Variants in TMPRSS11F observed in about 807,000 individuals in gnomAD.
TMPRSS11F encodes transmembrane protease serine 11F.
Under a neutral mutation model 60.2 loss-of-function variants are expected in TMPRSS11F, and 47 were observed. The observed-to-expected ratio is 0.78, with a 90% confidence interval of 0.62 to 1.00. The LOEUF (loss-of-function observed/expected upper bound fraction) is 1.00. Ranked by LOEUF, TMPRSS11F falls within the 50% of genes least tolerant of loss-of-function variation. The pLI is 0.00. For missense variants in TMPRSS11F, 519 were observed against 522.9 expected (o/e 0.99, Z 0.07); for synonymous variants, 166 against 167.3 (o/e 0.99, Z 0.06).
At chr4:68,088,728 G>A (rs1723866019) in intron 3 of TMPRSS11F, among the ~76,000 whole-genome samples, 1 of 152,030 alleles carries the variant, frequency 6.6e-6, no homozygotes, top group Admixed American at 6.6e-5. Context: ...TAGAACTCGG[G>A]ATTAAAATTA....
At chr4:68,113,223 T>C (rs1724445415) in intron 1 of TMPRSS11F, among the ~76,000 whole-genome samples, 2 of 152,154 alleles carry the variant, frequency 1.3e-5, no homozygotes. Flanking sequence ...AACGTGTTAT[T>C]GGACAATGGA....
At chr4:68,102,724 C>G (rs1724218049) in intron 1 of TMPRSS11F, among the ~76,000 whole-genome samples, 1 of 152,134 alleles carries the variant, frequency 6.6e-6, no homozygotes, top group Admixed American at 6.5e-5. Flanking sequence ...TTAACCCTTT[C>G]TCAGACATAC....
intron 8 of TMPRSS11F, among the ~76,000 whole-genome samples, chr4:68,064,021 T>G (rs972829006): frequency 1.3e-5 from 2 of 152,156 alleles, no homozygotes; most frequent in Non-Finnish European, 2.9e-5. Flanking sequence ...AGACAAAATT[T>G]GTGATTACTT....
intron 3 of TMPRSS11F, among the ~76,000 whole-genome samples, chr4:68,084,831 C>T (rs888900219): frequency 1.4e-5 from 2 of 144,258 alleles, no homozygotes; most frequent in African/African-American, 5.2e-5. Flanking sequence ...TGCGCTGCAC[C>T]CACTAACTCG....
chr4:68,115,988 T>C (rs1293200557), intron 1 of TMPRSS11F, among the ~76,000 whole-genome samples: 3 of 152,174 alleles, frequency 2.0e-5, no homozygotes, highest in Non-Finnish European at 2.9e-5. Flanking sequence ...TCACAAAATG[T>C]GAGTCCTTCA....
intron 3 of TMPRSS11F, among the ~76,000 whole-genome samples, chr4:68,082,352 C>T (rs371693625): frequency 7.9e-5 from 12 of 152,278 alleles, no homozygotes; most frequent in African/African-American, 1.2e-4. Flanking sequence ...GGGTTTTGCA[C>T]GTGAGGCAGC....
intron 1 of TMPRSS11F, among the ~76,000 whole-genome samples, chr4:68,120,775 A>G (rs990727753): frequency 2.6e-5 from 4 of 152,228 alleles, no homozygotes; most frequent in African/African-American, 7.2e-5. Flanking sequence ...GCTTTCAGCA[A>G]TCACCACCAT....
intron 2 of TMPRSS11F, among the ~76,000 whole-genome samples, chr4:68,094,428 T>G (rs1203633869): frequency 7.6e-6 from 1 of 131,506 alleles, no homozygotes. Context: ...AGGGATAGCA[T>G]TGGGAGATAT....
intron 3 of TMPRSS11F, among the ~76,000 whole-genome samples, chr4:68,084,187 T>C (rs1382495984): frequency 6.6e-6 from 1 of 151,944 alleles, no homozygotes; most frequent in Non-Finnish European, 1.5e-5. Flanking sequence ...ACCAAACCTA[T>C]GATCCACTGG....
rs1368584455 is a variant in TMPRSS11F, at chr4:68,071,120, T to C, written c.515-1113A>G. ...GGATATTTTACTTTAGGATATATGA[T>C]TGTGGCTTAGGCACAGTTATATCAT... On this transcript the variant is annotated intron_variant, in intron 5 of 9. Transcript: ENST00000356291. Among the ~76,000 whole-genome samples, 3 of 152,328 alleles carry C rather than the reference T, an allele frequency of 2.0e-5. No homozygotes were observed. In the East Asian group the frequency reaches 5.8e-4, roughly 29 times the overall value.
At chr4:68,117,424 G>A (rs1041146547) in intron 1 of TMPRSS11F, among the ~76,000 whole-genome samples, 52 of 131,604 alleles carry the variant, frequency 4.0e-4, no homozygotes, top group South Asian at 2.6e-4. Context: ...GCCGAGATCC[G>A]GCCACCGCAC....
intron 8 of TMPRSS11F, among the ~76,000 whole-genome samples, chr4:68,060,505 G>C (rs1371668503): frequency 3.4e-5 from 3 of 88,852 alleles, no homozygotes; most frequent in African/African-American, 1.4e-4. Context: ...GACAGAGTGA[G>C]ACTCCAACTC....
chr4:68,072,491 A>G lies in TMPRSS11F; in HGVS notation c.351-5T>C. 1 of 1,489,092 alleles carries G rather than the reference A, an allele frequency of 6.7e-7. No individual in the cohort carries two copies. The highest frequency in any genetic ancestry group is 9.0e-7 in the Non-Finnish European group (1 of 1,112,774). 92.2% of individuals were successfully genotyped at this position (1,489,092 alleles called of 1,614,324 possible). A position where few individuals can be genotyped will look rare whatever the true frequency, so the allele number is the denominator to read the frequency against. The stretch of plus-strand genomic sequence containing the variant: ...TCCACACCTTGTTCATCTGGACTGA[A>G]GAACAAAAAAGCAGATAAAAATGGC... On this transcript the variant is annotated splice_polypyrimidine_tract_variant and splice_region_variant and intron_variant, in intron 4 of 9. Coordinates refer to ENST00000356291, the MANE Select transcript of TMPRSS11F (RefSeq NM_207407.2).
At chr4:68,091,747 ATCTCTCTCTCTCTC>A (rs372346277) in intron 2 of TMPRSS11F, among the ~76,000 whole-genome samples, 10 of 71,668 alleles carry the variant, frequency 1.4e-4, no homozygotes, top group East Asian at 7.1e-4. Flanking sequence ...TTAATCTCTA[ATCTCTCTCTCTCTC>A]TCTCTCTCTC....
At chr4:68,083,854 A>T (rs1192336378) in intron 3 of TMPRSS11F, among the ~76,000 whole-genome samples, 4 of 152,170 alleles carry the variant, frequency 2.6e-5, no homozygotes, top group African/African-American at 9.7e-5. Flanking sequence ...GAAACTACAG[A>T]TATAGAATGT....
chr4:68,063,869 T>G (rs1157025093), intron 8 of TMPRSS11F, among the ~76,000 whole-genome samples: 4 of 152,152 alleles, frequency 2.6e-5, no homozygotes, highest in African/African-American at 9.7e-5. Context: ...ATGTTTATGA[T>G]CATCATAAAT....
At chr4:68,117,563 G>C (rs1236672626) in intron 1 of TMPRSS11F, among the ~76,000 whole-genome samples, 2 of 151,216 alleles carry the variant, frequency 1.3e-5, no homozygotes, top group Admixed American at 1.3e-4. Flanking sequence ...TTTATGAGAC[G>C]GTGAACAACA....
intron 1 of TMPRSS11F, among the ~76,000 whole-genome samples, chr4:68,109,325 G>T (rs929902279): frequency 2.0e-5 from 3 of 152,016 alleles, no homozygotes; most frequent in African/African-American, 7.2e-5. Context: ...TACATTTACA[G>T]CTCCTCCCAC....
At chr4:68,121,616 T>A (rs1724626510) in intron 1 of TMPRSS11F, among the ~76,000 whole-genome samples, 2 of 152,206 alleles carry the variant, frequency 1.3e-5, no homozygotes, top group Admixed American at 6.5e-5. Flanking sequence ...TAAAAATAAA[T>A]TTTAAAACAC....
Sources: allele counts gnomAD v4.1 joint callset (sites outside exome capture counted in the v4.1 genomes callset), GRCh38; gene constraint gnomAD v4.1.1; transcripts MANE v1.5; gene names NCBI Gene and HGNC (gene_info 2026-07-23, HGNC 2026-07-21).